Variants in HDAC4 observed in about 807,000 individuals in gnomAD.
The protein encoded by HDAC4 is histone deacetylase 4, also known as histone deacetylase A.
Under a neutral mutation model 135.1 loss-of-function variants are expected in HDAC4, and 16 were observed. That is an observed-to-expected ratio of 0.12 (90% CI 0.08 to 0.18). The LOEUF (loss-of-function observed/expected upper bound fraction) is 0.18. Ranked by LOEUF, HDAC4 falls within the 10% of genes least tolerant of loss-of-function variation. The pLI, the probability that HDAC4 is intolerant of heterozygous loss-of-function variation, is 1.00. For missense variants in HDAC4, 1,143 were observed against 1,511.8 expected (o/e 0.76, Z 4.05); for synonymous variants, 685 against 653.4 (o/e 1.05, Z -0.74).
At chr2:239,162,540 C>T (rs1013306842) in intron 6 of HDAC4, among the ~76,000 whole-genome samples, 13 of 152,356 alleles carry the variant, frequency 8.5e-5, no homozygotes, top group South Asian at 2.1e-4. Context: ...TCCCCCAAAG[C>T]GGGCTCCCAG....
chr2:239,327,542 T>C (rs1405776146), intron 2 of HDAC4, among the ~76,000 whole-genome samples: 1 of 152,258 alleles, frequency 6.6e-6, no homozygotes, highest in African/African-American at 2.4e-5. Context: ...TGAAACTCCC[T>C]TAAATTTGGT....
chr2:239,286,685 C>G (rs1444879245), intron 2 of HDAC4, among the ~76,000 whole-genome samples: 1 of 152,126 alleles, frequency 6.6e-6, no homozygotes, highest in African/African-American at 2.4e-5. Flanking sequence ...CCTGACAAAA[C>G]TGGGAGCATC....
intron 7 of HDAC4, among the ~76,000 whole-genome samples, chr2:239,149,089 T>C (rs887479034): frequency 1.3e-5 from 2 of 152,126 alleles, no homozygotes; most frequent in African/African-American, 4.8e-5. Flanking sequence ...TGTACGTTTA[T>C]TTACTTCGGT....
At chr2:239,249,408 G>T (rs1181950354) in intron 2 of HDAC4, among the ~76,000 whole-genome samples, 5 of 152,198 alleles carry the variant, frequency 3.3e-5, no homozygotes, top group Non-Finnish European at 7.3e-5. Context: ...CTTGGCGTGG[G>T]TGTGCCACAC....
At chr2:239,242,428 T>C (rs974214174) in intron 2 of HDAC4, among the ~76,000 whole-genome samples, 3 of 152,256 alleles carry the variant, frequency 2.0e-5, no homozygotes, top group Non-Finnish European at 4.4e-5. Flanking sequence ...GATTTATTAC[T>C]AGGTATTTGA....
intron 16 of HDAC4, among the ~76,000 whole-genome samples, chr2:239,100,527 T>G (rs2037515412): frequency 6.6e-6 from 1 of 152,146 alleles, no homozygotes; most frequent in South Asian, 2.1e-4. Flanking sequence ...GCCCCCAGCC[T>G]CCTTCCCCTG....
intron 2 of HDAC4, among the ~76,000 whole-genome samples, chr2:239,259,832 TC>T (rs1222244307): frequency 6.6e-6 from 1 of 152,176 alleles, no homozygotes; most frequent in Non-Finnish European, 1.5e-5. Flanking sequence ...TGAGCCCCAG[TC>T]CCTAGATCAC....
intron 2 of HDAC4, among the ~76,000 whole-genome samples, chr2:239,316,012 C>A (rs1336968332): frequency 6.6e-6 from 1 of 152,190 alleles, no homozygotes; most frequent in Admixed American, 6.5e-5. Flanking sequence ...AAAATCTCTT[C>A]CATCAGTAGA....
At chr2:239,238,325 T>G (rs1419720716) in intron 2 of HDAC4, among the ~76,000 whole-genome samples, 1 of 152,204 alleles carries the variant, frequency 6.6e-6, no homozygotes, top group Non-Finnish European at 1.5e-5. Context: ...TATGTGTGTG[T>G]GTATTTAACC....
At chr2:239,080,300 G>C (rs751950991) in intron 22 of HDAC4, among the ~76,000 whole-genome samples, 5 of 152,216 alleles carry the variant, frequency 3.3e-5, no homozygotes, top group Non-Finnish European at 7.3e-5. Flanking sequence ...GACTGTATGG[G>C]GCTTTGACAC....
rs1691558304 is a variant in HDAC4 at position 239,331,331 on chromosome 2, G to C, written c.22+21347C>G. 6.6e-6 allele frequency among the ~76,000 whole-genome samples: 1 copy of C among 152,132 alleles called. No homozygotes were observed. Among genetic ancestry groups the C allele is most frequent in the Non-Finnish European group, 1.5e-5 (1 of 68,020 alleles). On this transcript the variant is annotated intron_variant, in intron 2 of 26. Coordinates refer to ENST00000543185, the MANE Select transcript of HDAC4 (RefSeq NM_001378414.1). The surrounding 1 kb of genome is among the most constrained non-coding windows in gnomAD (Gnocchi z 4.5). Reference sequence around the variant, plus strand: ...GGGAAGACAAGCAGGAAGGGGTGGGGTGGCCCTGCCCACTGCATTTCTGGT... The same window carrying C: ...GGGAAGACAAGCAGGAAGGGGTGGGCTGGCCCTGCCCACTGCATTTCTGGT...
chr2:239,219,508 T>C (rs1486544097), intron 3 of HDAC4, among the ~76,000 whole-genome samples: 2 of 152,008 alleles, frequency 1.3e-5, no homozygotes, highest in African/African-American at 2.4e-5. Context: ...TTAAGAGATA[T>C]ACCTAATGTA....
At chr2:239,312,403 A>G (rs1261230932) in intron 2 of HDAC4, among the ~76,000 whole-genome samples, 1 of 152,196 alleles carries the variant, frequency 6.6e-6, no homozygotes, top group Non-Finnish European at 1.5e-5. Flanking sequence ...ACCACCATCC[A>G]TGCTGGCCCA....
At position 239,068,689 on chromosome 2, in the gene HDAC4, A is replaced by AC; in HGVS notation, c.2751-83_2751-82insG. 1.7e-6 allele frequency: 2 copies of AC among 1,202,558 alleles called. No homozygotes were observed. Among genetic ancestry groups the AC allele is most frequent in the South Asian group, 1.2e-5 (1 of 82,762 alleles). The allele number at this position is 1,202,558 out of a possible 1,614,324, so 74.5% of individuals were successfully genotyped here. A position where few individuals can be genotyped will look rare whatever the true frequency, so the allele number is the denominator to read the frequency against. ...ACAAAACCCCAAGGTTCCCTCTGGC[A>AC]TTGATAATGCCTGCCCCGCACCCCC... On this transcript the variant is annotated intron_variant, in intron 22 of 26. Transcript: ENST00000543185. This position sits in a 1 kb window ranked among gnomAD's most constrained non-coding sequence, Gnocchi z 4.4.
intron 5 of HDAC4, among the ~76,000 whole-genome samples, chr2:239,166,930 C>T (rs577516645): frequency 2.0e-5 from 3 of 152,308 alleles, no homozygotes; most frequent in African/African-American, 4.8e-5. Context: ...TGCCTTTACA[C>T]GGATAACATT....
In HDAC4 at chr2:239,134,438, C is replaced by T. The variant is rs371792033; in HGVS notation, c.1101G>A (p.Thr367=). The change falls in exon 11 of 27, where the codon ACG becomes ACA. Residue 367 remains threonine (T), a synonymous_variant. Transcript: ENST00000543185. The stretch of plus-strand genomic sequence containing the variant: ...GTCTCTCGGCGTCCTGCTGGCCCGC[C>T]GTGCCCTGGAAAGCACAGCCAGGAT... ...GLPATGPSAG[T]AGQQDAERLT... 1.0e-4 allele frequency: 166 copies of T among 1,613,408 alleles called. 2 individuals carry two copies. In the Admixed American group the frequency reaches 2.3e-3, roughly 22 times the overall value.
At chr2:239,205,328 G>A (rs678228) in intron 3 of HDAC4, among the ~76,000 whole-genome samples, 80,717 of 151,834 alleles carry the variant, frequency 0.53, 22,877 homozygotes, top group South Asian at 0.73. Flanking sequence ...ACAGCAGACC[G>A]CTGAGACAGA....
At chr2:239,327,776 G>A (rs899163110) in intron 2 of HDAC4, among the ~76,000 whole-genome samples, 10 of 152,168 alleles carry the variant, frequency 6.6e-5, no homozygotes, top group Non-Finnish European at 1.2e-4. Flanking sequence ...GAAACCCAGA[G>A]CAAGCCTAGA....
chr2:239,165,201 C>CA (rs1318467410), intron 5 of HDAC4, among the ~76,000 whole-genome samples: 2 of 150,916 alleles, frequency 1.3e-5, no homozygotes, highest in African/African-American at 2.4e-5. Flanking sequence ...CCACCCTGCG[C>CA]AATGCGAGTT....
Sources: allele counts gnomAD v4.1 joint callset (sites outside exome capture counted in the v4.1 genomes callset), GRCh38; gene constraint gnomAD v4.1.1; non-coding constraint Gnocchi (gnomAD v3.1); transcripts MANE v1.5; gene names NCBI Gene and HGNC (gene_info 2026-07-23, HGNC 2026-07-21).